Variants in STXBP5L observed in about 807,000 individuals in gnomAD.
The protein encoded by STXBP5L is syntaxin binding protein 5L.
STXBP5L carries 65 observed loss-of-function variants against 144.5 expected under a neutral mutation model. The observed-to-expected ratio is 0.45, with a 90% CI of 0.37 to 0.55. The LOEUF (loss-of-function observed/expected upper bound fraction) is 0.55. Ranked by LOEUF, STXBP5L falls within the 20% of genes least tolerant of loss-of-function variation. STXBP5L has a pLI of 0.00. For synonymous variants in STXBP5L, 505 were observed against 469.6 expected (o/e 1.08, Z -0.97); for missense variants, 1,298 against 1,405.5 (o/e 0.92, Z 1.22).
chr3:121,041,907 A>T, intron 4 of STXBP5L, 126 bp downstream of exon 4: 1 of 615,924 alleles, frequency 1.6e-6, no homozygotes, highest in Non-Finnish European at 2.8e-6. Flanking sequence ...ATTACTTCTG[A>T]TTATATTTTT....
chr3:121,410,407 T>A (rs1180286980), intron 23 of STXBP5L, among the ~76,000 whole-genome samples: 1 of 152,028 alleles, frequency 6.6e-6, no homozygotes, highest in Non-Finnish European at 1.5e-5. Flanking sequence ...ATTTTAATAA[T>A]ACATATACAT....
intron 9 of STXBP5L, among the ~76,000 whole-genome samples, chr3:121,181,946 TAAA>T (rs767721855): frequency 1.4e-5 from 2 of 138,600 alleles, no homozygotes; most frequent in Non-Finnish European, 1.6e-5. Context: ...CAACAACAGT[TAAA>T]AAAAAAAAAA....
At chr3:121,118,376 G>C (rs9832737) in intron 6 of STXBP5L, among the ~76,000 whole-genome samples, 3 of 151,474 alleles carry the variant, frequency 2.0e-5, no homozygotes, top group Admixed American at 2.0e-4. Context: ...AGAACATTCC[G>C]GGCAGAGGGA....
intron 5 of STXBP5L, among the ~76,000 whole-genome samples, chr3:121,056,481 G>A (rs143896223): frequency 4.6e-5 from 7 of 152,212 alleles, no homozygotes; most frequent in African/African-American, 1.7e-4. Context: ...ATATTTTGTT[G>A]AAAACTCCAT....
intron 3 of STXBP5L, among the ~76,000 whole-genome samples, chr3:121,028,926 A>G (rs1219953562): frequency 6.6e-6 from 1 of 152,130 alleles, no homozygotes; most frequent in Non-Finnish European, 1.5e-5. Context: ...TCTCCCATTC[A>G]CAATTGCTAC....
intron 2 of STXBP5L, among the ~76,000 whole-genome samples, chr3:120,934,983 A>C (rs1015321968): frequency 6.6e-6 from 1 of 151,866 alleles, no homozygotes; most frequent in African/African-American, 2.4e-5. Context: ...TATTTAATTC[A>C]TTGCCATTTA....
At chr3:121,097,174 C>T (rs2043172257) in intron 5 of STXBP5L, among the ~76,000 whole-genome samples, 1 of 152,176 alleles carries the variant, frequency 6.6e-6, no homozygotes, top group African/African-American at 2.4e-5. Context: ...GTGGATGCCC[C>T]TCCCCACACC....
intron 5 of STXBP5L, among the ~76,000 whole-genome samples, chr3:121,101,946 G>A (rs2043447761): frequency 6.6e-6 from 1 of 151,576 alleles, no homozygotes; most frequent in Non-Finnish European, 1.5e-5. Flanking sequence ...ACCAAACAAA[G>A]AAAACAATCC....
chr3:120,977,374 CTT>C (rs1376734025), intron 3 of STXBP5L, among the ~76,000 whole-genome samples: 2 of 152,066 alleles, frequency 1.3e-5, no homozygotes, highest in African/African-American at 4.8e-5. Flanking sequence ...CAACCCCTGC[CTT>C]TTTTTGTTTT....
chr3:121,105,479 G>C (rs1576971788), intron 5 of STXBP5L, among the ~76,000 whole-genome samples: 1 of 151,858 alleles, frequency 6.6e-6, no homozygotes. Context: ...TAATTATCAG[G>C]GAAATGCAAA....
chr3:121,053,513 T>C (rs572834755), intron 5 of STXBP5L, among the ~76,000 whole-genome samples: 1 of 152,312 alleles, frequency 6.6e-6, no homozygotes, highest in Non-Finnish European at 1.5e-5. Context: ...ATTTAATAAA[T>C]GGTGCTGGGA....
rs566251666 is a variant in STXBP5L, at chr3:121,026,039, T to C, written c.288-15661T>C. Among the ~76,000 whole-genome samples, 11 of 91,612 alleles carry C rather than the reference T, an allele frequency of 1.2e-4. No homozygotes were observed. The South Asian group carries it at 3.0e-3, about 25-fold the overall frequency. 60.1% of individuals were successfully genotyped at this position (91,612 alleles called of 152,430 possible). On this transcript the variant is annotated intron_variant, in intron 3 of 26. Coordinates refer to ENST00000471454, the MANE Select transcript of STXBP5L (RefSeq NM_001308330.2). ...TATATTTATAATTTTATAAGTTATA[T>C]ATAATTATAATTAAATTATATTATA... is the stretch of plus-strand genomic sequence containing the variant.
At chr3:121,280,164 A>G (rs2051011251) in intron 19 of STXBP5L, among the ~76,000 whole-genome samples, 1 of 151,868 alleles carries the variant, frequency 6.6e-6, no homozygotes, top group Non-Finnish European at 1.5e-5. Context: ...TTAAACTTCA[A>G]TTTGCTATTG....
chr3:121,306,139 G>GT (rs2108502498), intron 19 of STXBP5L, among the ~76,000 whole-genome samples: 2 of 152,210 alleles, frequency 1.3e-5, no homozygotes, highest in South Asian at 2.1e-4. Flanking sequence ...AGAAATTGTC[G>GT]TAAGGGCATA....
At chr3:121,045,346 G>T in intron 4 of STXBP5L, 89 bp from the exon 5 acceptor site, 1 of 1,178,960 alleles carries the variant, frequency 8.5e-7, no homozygotes, top group Non-Finnish European at 1.2e-6. Context: ...TCTTCAGGTA[G>T]TAAACATTGA....
intron 9 of STXBP5L, among the ~76,000 whole-genome samples, chr3:121,193,731 C>T (rs898670054): frequency 6.6e-5 from 10 of 152,020 alleles, no homozygotes; most frequent in Admixed American, 6.6e-4. Flanking sequence ...GGACAGAAAA[C>T]CAAACACCGT....
chr3:120,946,036 C>G (rs1039108881), intron 2 of STXBP5L, among the ~76,000 whole-genome samples: 1 of 151,700 alleles, frequency 6.6e-6, no homozygotes, highest in African/African-American at 2.4e-5. Flanking sequence ...GAATCAAAAG[C>G]CATATTTATT....
At chr3:121,171,527 A>G (rs1004704675) in intron 9 of STXBP5L, among the ~76,000 whole-genome samples, 2 of 152,216 alleles carry the variant, frequency 1.3e-5, no homozygotes, top group African/African-American at 4.8e-5. Flanking sequence ...TACAAAATCA[A>G]TGTGCTAAAG....
intron 25 of STXBP5L, among the ~76,000 whole-genome samples, chr3:121,418,004 G>GC (rs778138069): frequency 2.0e-4 from 30 of 152,210 alleles, no homozygotes; most frequent in Middle Eastern, 3.4e-3. Context: ...AAATGATCAG[G>GC]CCTAAGCTTG....
Sources: allele counts gnomAD v4.1 joint callset (sites outside exome capture counted in the v4.1 genomes callset), GRCh38; gene constraint gnomAD v4.1.1; transcripts MANE v1.5; gene names NCBI Gene and HGNC (gene_info 2026-07-23, HGNC 2026-07-21).